The following FNDC1 variants were observed in gnomAD, a reference collection of about 807,000 sequenced individuals.
FNDC1 encodes fibronectin type III domain-containing protein 1.
In FNDC1, 96 loss-of-function variants were observed where a neutral mutation model predicts 168.0. The observed-to-expected ratio is 0.57, with a 90% CI of 0.48 to 0.68. The LOEUF is 0.68. Among genes scored for constraint, FNDC1 ranks in the 30% least tolerant of loss-of-function variants. FNDC1 has a pLI of 0.00. For synonymous variants in FNDC1, 1,099 were observed against 1,025.9 expected, an observed-to-expected ratio of 1.07 and a Z score of -1.36; for missense variants, 2,587 against 2,482.1, an observed-to-expected ratio of 1.04 and a Z score of -0.90.
intron 5 of FNDC1, among the ~76,000 whole-genome samples, chr6:159,219,100 G>A (rs1421102108): frequency 6.6e-6 from 1 of 151,518 alleles, no homozygotes; most frequent in Admixed American, 6.6e-5. Flanking sequence ...GAGTGCAGTG[G>A]CGTAATCTCA....
rs749593422 is a variant in FNDC1 at position 159,261,252 on chromosome 6, C to T, written c.5237C>T (p.Ser1746Leu). Residue 1746 changes from serine to leucine, a missense_variant, in exon 19 of 23, where the codon TCA becomes TTA. Transcript: ENST00000297267. The part of the protein sequence containing the change: ...HGYGPISPSV[S>L]FVTESDNPLL... ...TACGGACCTATCAGCCCTTCGGTCT[C>T]ATTTGTCACCGAATCAGGTATGAAT... is the stretch of plus-strand genomic sequence containing the variant. 1 of 1,612,388 alleles carries T rather than the reference C, an allele frequency of 6.2e-7. No individual in the cohort carries two copies. The highest frequency in any genetic ancestry group is 2.2e-5 in the East Asian group (1 of 44,862).
intron 14 of FNDC1, chr6:159,240,993 G>A (rs1212691885): frequency 6.6e-6 from 1 of 152,190 alleles, no homozygotes; most frequent in African/African-American, 2.4e-5. Flanking sequence ...CATGAATACT[G>A]TATCCAAAAT....
At chr6:159,235,760 G>A (rs978192337) in intron 11 of FNDC1, among the ~76,000 whole-genome samples, 5 of 152,164 alleles carry the variant, frequency 3.3e-5, no homozygotes, top group South Asian at 2.1e-4. Flanking sequence ...TTTTATACTC[G>A]GCGATTGGTG....
Position 159,234,123 on chromosome 6 carries a change from C to G in FNDC1, c.3611C>G (p.Pro1204Arg), listed in dbSNP as rs897799573. The change falls in exon 11 of 23, where the codon CCC becomes CGC. Residue 1204 changes from proline (P) to arginine (R), a missense_variant. Physicochemically the swap from Pro to Arg is moderately radical, Grantham distance 103 (BLOSUM62 -2). Coordinates refer to ENST00000297267, the MANE Select transcript of FNDC1 (RefSeq NM_032532.3). The part of the protein sequence containing the change: ...DLLSSSVPKW[P>R]SSSTPRGGKD... Reference sequence around the variant, plus strand: ...CTGTCTTCCTCTGTGCCAAAGTGGCCCTCTTCCTCCACTCCCAGGGGCGGC... The same window carrying G: ...CTGTCTTCCTCTGTGCCAAAGTGGCGCTCTTCCTCCACTCCCAGGGGCGGC... The G allele has an allele frequency of 6.9e-6, 11 of 1,604,076 alleles. No homozygotes were observed. The highest frequency in any genetic ancestry group is 9.4e-6 in the Non-Finnish European group (11 of 1,175,160).
intron 9 of FNDC1, 119 bp downstream of exon 9, chr6:159,226,699 C>A: frequency 1.5e-6 from 1 of 671,266 alleles, no homozygotes; most frequent in Non-Finnish European, 2.4e-6. Flanking sequence ...GAGGTGCTCA[C>A]CCAAGGGACG....
At chr6:159,261,134 G>A (rs1777474386) in intron 18 of FNDC1, 56 bp from the exon 19 acceptor site, 12 of 1,415,326 alleles carry the variant, frequency 8.5e-6, no homozygotes, top group South Asian at 1.2e-5. Flanking sequence ...AGTCTGTTTT[G>A]TTACACAGAA....
Position 159,231,931 on chromosome 6 carries a change from A to G in FNDC1, c.1419A>G (p.Glu473=), listed in dbSNP as rs926290399. The change falls in exon 11 of 23, where the codon GAA becomes GAG. Residue 473 remains glutamate (E), a synonymous_variant. Coordinates refer to ENST00000297267, the MANE Select transcript of FNDC1 (RefSeq NM_032532.3). ...EQNTEDNGKP[E]KPEPSSPSPR... The stretch of plus-strand genomic sequence containing the variant: ...ACACGGAGGACAATGGGAAACCCGA[A>G]AAACCTGAGCCTTCCTCACCTTCTC... 77 of 1,613,252 alleles carry G rather than the reference A, an allele frequency of 4.8e-5. No homozygotes were observed. The highest frequency in any genetic ancestry group is 6.4e-5 in the Non-Finnish European group (76 of 1,179,724).
chr6:159,200,863 G>A (rs771856315), intron 4 of FNDC1, among the ~76,000 whole-genome samples: 2 of 152,252 alleles, frequency 1.3e-5, no homozygotes, highest in African/African-American at 2.4e-5. Context: ...CAAATATGGT[G>A]GTTGAGATGG....
At chr6:159,234,964 T>G (rs1422267309) in intron 11 of FNDC1, among the ~76,000 whole-genome samples, 1 of 152,254 alleles carries the variant, frequency 6.6e-6, no homozygotes, top group Non-Finnish European at 1.5e-5. Context: ...TAGGCTTATC[T>G]TGTTCTTGTC....
At chr6:159,191,035 CG>C (rs1449275908) in intron 1 of FNDC1, among the ~76,000 whole-genome samples, 1 of 152,052 alleles carries the variant, frequency 6.6e-6, no homozygotes. Flanking sequence ...ACAAGCTTGG[CG>C]GAAAGCAAAG....
intron 4 of FNDC1, among the ~76,000 whole-genome samples, chr6:159,207,939 T>A (rs968441183): frequency 6.6e-6 from 1 of 152,252 alleles, no homozygotes; most frequent in Admixed American, 6.5e-5. Flanking sequence ...TATGAGGCCA[T>A]CTCTGTGTTA....
Position 159,214,926 on chromosome 6 carries a change from G to A in FNDC1, c.461-19G>A. 1 of 1,612,668 alleles carries A rather than the reference G, an allele frequency of 6.2e-7. No individual in the cohort carries two copies. Among genetic ancestry groups the A allele is most frequent in the East Asian group, 2.2e-5 (1 of 44,868 alleles). The stretch of plus-strand genomic sequence containing the variant: ...AGTGGTCTACTGTCTAACCACTTTT[G>A]TGTCCTGCCCTCTTTAAGAAAAGGA... On this transcript the variant is annotated intron_variant, in intron 4 of 22. Transcript: ENST00000297267.
chr6:159,173,228 G>T (rs902978798), intron 1 of FNDC1, among the ~76,000 whole-genome samples: 1 of 151,990 alleles, frequency 6.6e-6, no homozygotes, highest in Non-Finnish European at 1.5e-5. Context: ...CAGGATGCCT[G>T]GGTGTGAGTG....
At position 159,190,460 on chromosome 6, in the gene FNDC1, C is replaced by T. The variant is rs371160448; in HGVS notation, c.110-6971C>T. 2.4e-3 allele frequency among the ~76,000 whole-genome samples: 372 copies of T among 152,330 alleles called. 1 individual carries two copies. The highest frequency in any genetic ancestry group is 8.3e-3 in the African/African-American group (344 of 41,574). Reference sequence around the variant, plus strand: ...GGGAAAGTTCCATTTGGCTCCACTCCCACGTCCCTGTGGGAATTCATGGGG... The same window carrying T: ...GGGAAAGTTCCATTTGGCTCCACTCTCACGTCCCTGTGGGAATTCATGGGG... On this transcript the variant is annotated intron_variant, in intron 1 of 22. Coordinates refer to ENST00000297267, the MANE Select transcript of FNDC1 (RefSeq NM_032532.3).
intron 17 of FNDC1, 135 bp downstream of exon 17, chr6:159,251,667 G>A (rs2115015807): frequency 1.4e-6 from 1 of 731,620 alleles, no homozygotes; most frequent in East Asian, 2.7e-5. Context: ...ATGGGATGAT[G>A]GATAGATGTC....
chr6:159,216,668 G>A (rs190066444), intron 5 of FNDC1, among the ~76,000 whole-genome samples: 4 of 152,304 alleles, frequency 2.6e-5, no homozygotes, highest in East Asian at 1.9e-4. Flanking sequence ...TGGGGAAACC[G>A]GGCCACAGAG....
chr6:159,264,252 T>C (rs932917083), intron 19 of FNDC1, among the ~76,000 whole-genome samples: 19 of 152,244 alleles, frequency 1.2e-4, no homozygotes, highest in African/African-American at 4.1e-4. Context: ...CTTGTCTCTC[T>C]AGTTTATAGG....
Position 159,234,129 on chromosome 6 carries a change from C to A in FNDC1, c.3617C>A (p.Ser1206Tyr). ...LSSSVPKWPS[S>Y]STPRGGKDAD... The stretch of plus-strand genomic sequence containing the variant: ...TCCTCTGTGCCAAAGTGGCCCTCTT[C>A]CTCCACTCCCAGGGGCGGCAAAGAC... The change falls in exon 11 of 23, where the codon TCC (serine) becomes TAC (tyrosine). Residue 1206 changes from serine (S) to tyrosine (Y), a missense_variant. Coordinates refer to ENST00000297267, the MANE Select transcript of FNDC1 (RefSeq NM_032532.3). 6.2e-7 allele frequency: 1 copy of A among 1,603,400 alleles called. No individual in the cohort carries two copies. The highest frequency in any genetic ancestry group is 8.5e-7 in the Non-Finnish European group (1 of 1,174,798).
At chr6:159,269,570 C>CCA (rs1190981281) in intron 22 of FNDC1, among the ~76,000 whole-genome samples, 7 of 140,714 alleles carry the variant, frequency 5.0e-5, no homozygotes, top group African/African-American at 1.5e-4. Context: ...ATCCATCCAT[C>CCA]TATCCTATCT....
Sources: allele counts gnomAD v4.1 joint callset (sites outside exome capture counted in the v4.1 genomes callset), GRCh38; gene constraint gnomAD v4.1.1; transcripts MANE v1.5; gene names NCBI Gene and HGNC (gene_info 2026-07-23, HGNC 2026-07-21).